Variants in ZMYND8 observed in about 807,000 individuals in gnomAD.
ZMYND8 encodes the protein MYND-type zinc finger-containing chromatin reader ZMYND8.
Under a neutral mutation model 140.8 loss-of-function variants are expected in ZMYND8, and 37 were observed. The observed-to-expected ratio is 0.26, with a 90% CI of 0.20 to 0.35. The LOEUF (loss-of-function observed/expected upper bound fraction) is 0.35, where lower values mean the gene tolerates loss of function less well. ZMYND8 is among the 10% of genes least tolerant of loss of function. ZMYND8 has a pLI of 1.00. For synonymous variants in ZMYND8, 592 were observed against 597.1 expected, an observed-to-expected ratio of 0.99 and a Z score of 0.12; for missense variants, 1,068 against 1,570.0, an observed-to-expected ratio of 0.68 and a Z score of 5.40.
chr20:47,273,078 A>G (rs951825872), intron 11 of ZMYND8, among the ~76,000 whole-genome samples: 1 of 152,074 alleles, frequency 6.6e-6, no homozygotes, highest in Non-Finnish European at 1.5e-5. Flanking sequence ...ATGGCTCTCA[A>G]TTTGCCTTCT....
chr20:47,311,513 CT>C (rs1203449559), intron 2 of ZMYND8, among the ~76,000 whole-genome samples: 1 of 152,132 alleles, frequency 6.6e-6, no homozygotes, highest in Non-Finnish European at 1.5e-5. Context: ...GTTTCAAGTG[CT>C]TTGGGTACAG....
At chr20:47,286,684 C>T (rs1329334991) in intron 8 of ZMYND8, among the ~76,000 whole-genome samples, 2 of 152,202 alleles carry the variant, frequency 1.3e-5, no homozygotes, top group African/African-American at 4.8e-5. Context: ...GAAAAGCTCC[C>T]TCATACCATT....
At chr20:47,295,477 A>G (rs1332765765) in intron 4 of ZMYND8, among the ~76,000 whole-genome samples, 1 of 152,234 alleles carries the variant, frequency 6.6e-6, no homozygotes, top group Non-Finnish European at 1.5e-5. Context: ...CTTATCAACC[A>G]TTTATCCTGA....
At chr20:47,257,027 G>A (rs897228657) in intron 12 of ZMYND8, among the ~76,000 whole-genome samples, 18 of 152,238 alleles carry the variant, frequency 1.2e-4, no homozygotes, top group African/African-American at 2.6e-4. Flanking sequence ...GAAAAGGACC[G>A]GGCCCACCTC....
intron 7 of ZMYND8, among the ~76,000 whole-genome samples, chr20:47,288,801 T>C (rs2077078838): frequency 6.6e-6 from 1 of 152,198 alleles, no homozygotes; most frequent in Non-Finnish European, 1.5e-5. Context: ...CATATATCTT[T>C]CCTTAAACAC....
intron 12 of ZMYND8, among the ~76,000 whole-genome samples, chr20:47,255,263 G>A (rs1189394507): frequency 6.6e-6 from 1 of 152,066 alleles, no homozygotes; most frequent in Non-Finnish European, 1.5e-5. Flanking sequence ...TGCAGGAACA[G>A]GGGTATAGAG....
At chr20:47,349,965 T>C (rs1409002331) in intron 1 of ZMYND8, 1 of 1,531,290 alleles carries the variant, frequency 6.5e-7, no homozygotes, top group African/African-American at 1.4e-5. Context: ...CTAGAGGAGC[T>C]GAATACTTCA....
intron 2 of ZMYND8, among the ~76,000 whole-genome samples, chr20:47,347,647 C>T (rs1302432374): frequency 6.6e-6 from 1 of 152,134 alleles, no homozygotes; most frequent in African/African-American, 2.4e-5. Flanking sequence ...ACTGTCAGGA[C>T]CCCTACACAG....
rs1351543863 is a variant in ZMYND8, at chr20:47,246,433, C to CT, written c.1858dup (p.Ser620LysfsTer2). The CT allele has an allele frequency of 1.2e-6, 2 of 1,614,058 alleles. No individual in the cohort carries two copies. The highest frequency in any genetic ancestry group is 1.7e-6 in the Non-Finnish European group (2 of 1,180,032). ...CTGCTCATCATCACTGATATACTCA[C>CT]TATCGCTACTATCTGACTTCTCAGA... On this transcript the variant is annotated frameshift_variant, in exon 14 of 23. Transcript: ENST00000471951. LOFTEE classifies it high-confidence loss of function.
chr20:47,305,591 C>T (rs1787613860), intron 3 of ZMYND8, among the ~76,000 whole-genome samples: 1 of 151,144 alleles, frequency 6.6e-6, no homozygotes, highest in Admixed American at 6.6e-5. Flanking sequence ...CAAAAAAAGA[C>T]TTCAAGTGTC....
chr20:47,308,948 G>A (rs2078707268), intron 3 of ZMYND8, among the ~76,000 whole-genome samples: 1 of 152,136 alleles, frequency 6.6e-6, no homozygotes, highest in South Asian at 2.1e-4. Context: ...GCATCCCTAG[G>A]AATCACTGCT....
At chr20:47,224,194 GA>G in intron 19 of ZMYND8, 122 bp downstream of exon 19, 2 of 1,474,046 alleles carry the variant, frequency 1.4e-6, no homozygotes, top group South Asian at 2.6e-5. Context: ...GTTTTTGAGT[GA>G]AAGTGTCCAG....
rs184046087 is a variant in ZMYND8, at chr20:47,230,536, C to T, written c.2857-730G>A. Among the ~76,000 whole-genome samples the T allele has an allele frequency of 1.6e-3, 242 of 152,102 alleles. No individual in the cohort carries two copies. In the Middle Eastern group the frequency reaches 0.017, roughly 11 times the overall value. The stretch of plus-strand genomic sequence containing the variant: ...CTTGAACTCCCGACCTCAAGTAATC[C>T]ACCCACCTCGGCCTCCCAAAGTGCT... On this transcript the variant is annotated intron_variant, in intron 16 of 22. Coordinates refer to ENST00000471951, the MANE Select transcript of ZMYND8 (RefSeq NM_001281775.3).
chr20:47,310,032 C>G, intron 3 of ZMYND8, 24 bp downstream of exon 3: 1 of 1,614,040 alleles, frequency 6.2e-7, no homozygotes, highest in Non-Finnish European at 8.5e-7. Context: ...CCAGTGAGGA[C>G]ACCGTTCCCA....
intron 2 of ZMYND8, among the ~76,000 whole-genome samples, chr20:47,322,797 C>T (rs1254052151): frequency 6.6e-6 from 1 of 152,188 alleles, no homozygotes; most frequent in Non-Finnish European, 1.5e-5. Flanking sequence ...CGACACAGCA[C>T]GCCCCACCTC....
intron 3 of ZMYND8, among the ~76,000 whole-genome samples, chr20:47,307,956 A>T (rs1330829342): frequency 1.3e-5 from 2 of 151,736 alleles, no homozygotes; most frequent in Non-Finnish European, 2.9e-5. Context: ...CATCTCTACT[A>T]AAAATAAAAA....
At chr20:47,310,797 A>AAC (rs2078870525) in intron 2 of ZMYND8, among the ~76,000 whole-genome samples, 1 of 151,700 alleles carries the variant, frequency 6.6e-6, no homozygotes, top group Non-Finnish European at 1.5e-5. Flanking sequence ...AAAAAAAAAA[A>AAC]AAAAAAAAAA....
chr20:47,276,265 ACC>A (rs752360356), intron 11 of ZMYND8, 47 bp downstream of exon 11: 2 of 1,489,474 alleles, frequency 1.3e-6, no homozygotes. Flanking sequence ...CCCATGGGAA[ACC>A]CCCGTGTCCA....
At chr20:47,333,070 C>A (rs769386863) in intron 2 of ZMYND8, among the ~76,000 whole-genome samples, 1 of 152,122 alleles carries the variant, frequency 6.6e-6, no homozygotes, top group African/African-American at 2.4e-5. Context: ...AATGAGGTCA[C>A]ACACAGTGGC....
Sources: allele counts gnomAD v4.1 joint callset (sites outside exome capture counted in the v4.1 genomes callset), GRCh38; gene constraint gnomAD v4.1.1; transcripts MANE v1.5; gene names NCBI Gene and HGNC (gene_info 2026-07-23, HGNC 2026-07-21).